NACC2: variants seen among roughly 807,000 people sequenced by gnomAD.
The protein encoded by NACC2 is NACC family member 2.
A neutral mutation model predicts 25.1 loss-of-function variants in NACC2; 8 were observed. The observed-to-expected ratio is 0.32, with a 90% CI of 0.19 to 0.57. The LOEUF (loss-of-function observed/expected upper bound fraction) is 0.57. Ranked by LOEUF, NACC2 falls within the 20% of genes least tolerant of loss-of-function variation. NACC2 has a pLI of 0.89. For synonymous variants in NACC2, 435 were observed against 294.7 expected, an observed-to-expected ratio of 1.48 and a Z score of -4.88; for missense variants, 644 against 650.2, an observed-to-expected ratio of 0.99 and a Z score of 0.10.
intron 2 of NACC2, among the ~76,000 whole-genome samples, chr9:136,039,054 GC>G (rs1840593789): frequency 6.6e-6 from 1 of 152,174 alleles, no homozygotes; most frequent in Non-Finnish European, 1.5e-5. Context: ...GCATAAAAAT[GC>G]AAATCCCAAC....
chr9:136,075,275 T>C (rs994358778), intron 1 of NACC2, among the ~76,000 whole-genome samples: 6 of 152,234 alleles, frequency 3.9e-5, no homozygotes, highest in African/African-American at 1.4e-4. Context: ...AGTCCGGCAC[T>C]GACCGGGATG....
chr9:136,036,370 GAA>G (rs1321248658), intron 2 of NACC2, among the ~76,000 whole-genome samples: 1 of 151,916 alleles, frequency 6.6e-6, no homozygotes, highest in African/African-American at 2.4e-5. Context: ...ACAAACAAGT[GAA>G]AAACCACAGA....
intron 1 of NACC2, among the ~76,000 whole-genome samples, chr9:136,092,749 G>C (rs1286131143): frequency 6.6e-6 from 1 of 152,196 alleles, no homozygotes; most frequent in East Asian, 1.9e-4. Context: ...GTTACACTGG[G>C]GTCTGTAGAA....
chr9:136,075,789 G>A (rs903160540), intron 1 of NACC2, among the ~76,000 whole-genome samples: 6 of 152,208 alleles, frequency 3.9e-5, no homozygotes, highest in African/African-American at 1.4e-4. Flanking sequence ...AGAGACAGGG[G>A]TCTTGGGTTT....
intron 1 of NACC2, among the ~76,000 whole-genome samples, chr9:136,070,278 C>T (rs749172185): frequency 4.0e-5 from 6 of 151,546 alleles, no homozygotes; most frequent in African/African-American, 9.8e-5. Flanking sequence ...GAGGCCGGGG[C>T]GGGTGGATCA....
At chr9:136,027,981 C>T (rs903839748) in intron 2 of NACC2, among the ~76,000 whole-genome samples, 1 of 152,150 alleles carries the variant, frequency 6.6e-6, no homozygotes, top group African/African-American at 2.4e-5. Flanking sequence ...TAACATCGGC[C>T]TGGCACAGTG....
At chr9:136,065,209 G>C (rs1841065801) in intron 1 of NACC2, among the ~76,000 whole-genome samples, 1 of 152,246 alleles carries the variant, frequency 6.6e-6, no homozygotes, top group Non-Finnish European at 1.5e-5. Context: ...AACCAGACCA[G>C]GTGAGGTGGC....
Position 136,018,195 on chromosome 9 carries a change from A to G in NACC2, c.887-1766T>C, listed in dbSNP as rs1353810925. 2.0e-5 allele frequency among the ~76,000 whole-genome samples: 3 copies of G among 152,058 alleles called. No homozygotes were observed. The highest frequency in any genetic ancestry group is 4.4e-5 in the Non-Finnish European group (3 of 67,980). On this transcript the variant is annotated intron_variant, in intron 2 of 5. Transcript: ENST00000277554. The surrounding 1 kb of genome is among the most constrained non-coding windows in gnomAD (Gnocchi z 4.4). ...ACCTGGCCATGCTGTCCCTGTTCCC[A>G]GTCCCTCCATGACCCCCACCTTGGA...
At chr9:136,021,149 A>G (rs1840285898) in intron 2 of NACC2, among the ~76,000 whole-genome samples, 1 of 152,238 alleles carries the variant, frequency 6.6e-6, no homozygotes, top group Non-Finnish European at 1.5e-5. Context: ...AAGGACTTGT[A>G]TCTAAAAAAT....
chr9:136,051,653 T>G (rs1290201307), intron 1 of NACC2, among the ~76,000 whole-genome samples: 1 of 151,898 alleles, frequency 6.6e-6, no homozygotes, highest in Non-Finnish European at 1.5e-5. Context: ...CGCCGGGAGC[T>G]GGGCAGGTGG....
chr9:136,027,768 T>TATCA (rs1363138018), intron 2 of NACC2, among the ~76,000 whole-genome samples: 1 of 152,140 alleles, frequency 6.6e-6, no homozygotes, highest in Non-Finnish European at 1.5e-5. Context: ...AAGGCTGAGG[T>TATCA]ATCAATGATC....
chr9:136,078,735 CCT>C (rs985475794), intron 1 of NACC2, among the ~76,000 whole-genome samples: 6 of 152,252 alleles, frequency 3.9e-5, no homozygotes, highest in African/African-American at 1.2e-4. Context: ...AAAGCGAGCC[CCT>C]CAGGCAGGGC....
intron 5 of NACC2, 21 bp from the exon 6 acceptor site, chr9:136,012,045 G>C (rs1224243358): frequency 6.6e-7 from 1 of 1,507,070 alleles, no homozygotes; most frequent in Admixed American, 1.9e-5. Context: ...GGGGCGGCGT[G>C]AGCTCAGCCA....
At chr9:136,075,954 C>T (rs1272161881) in intron 1 of NACC2, among the ~76,000 whole-genome samples, 2 of 152,242 alleles carry the variant, frequency 1.3e-5, no homozygotes, top group African/African-American at 4.8e-5. Context: ...CCTGGGGCTG[C>T]TGCCCACTCC....
intron 1 of NACC2, among the ~76,000 whole-genome samples, chr9:136,076,886 T>C (rs1830268278): frequency 6.6e-6 from 1 of 151,886 alleles, no homozygotes; most frequent in African/African-American, 2.4e-5. Flanking sequence ...GGCGGGCGCC[T>C]GTAGTCCCAG....
Position 136,013,963 on chromosome 9 carries a change from C to T in NACC2, c.1058G>A (p.Gly353Glu), listed in dbSNP as rs1184004933. The T allele has an allele frequency of 6.2e-7, 1 of 1,612,014 alleles. No individual in the cohort carries two copies. ...GEKLELVAGS[G>E]VYITRGQLMN... ...CAGCTGGCCGCGTGTGATGTAGACC[C>T]CAGAGCCTGCAGCCACCAAACAGAA... The change falls in exon 4 of 6, where the codon GGG (glycine) becomes GAG (glutamate). Residue 353 changes from glycine to glutamate, a missense_variant. By Grantham distance (98) the Gly-to-Glu change is moderately conservative. Transcript: ENST00000277554. This position sits in a 1 kb window ranked among gnomAD's most constrained non-coding sequence, Gnocchi z 6.6.
chr9:136,048,986 G>A (rs909838388), intron 2 of NACC2, among the ~76,000 whole-genome samples: 1 of 152,212 alleles, frequency 6.6e-6, no homozygotes, highest in Non-Finnish European at 1.5e-5. Flanking sequence ...TCAGGTTGCA[G>A]GGACACCCGA....
chr9:136,087,922 C>T (rs930085383), intron 1 of NACC2, among the ~76,000 whole-genome samples: 3 of 152,176 alleles, frequency 2.0e-5, no homozygotes, highest in African/African-American at 7.2e-5. Context: ...CCAGGAAGGC[C>T]CAGTTTCCCA....
intron 1 of NACC2, among the ~76,000 whole-genome samples, chr9:136,053,641 A>C (rs1017227358): frequency 7.2e-5 from 11 of 152,206 alleles, no homozygotes; most frequent in Admixed American, 3.3e-4. Flanking sequence ...CCTGTGCAAC[A>C]CAGCACAGAG....
Sources: gnomAD v4.1 joint callset for allele counts (sites outside exome capture counted in the v4.1 genomes callset) on GRCh38, gnomAD v4.1.1 for gene constraint, Gnocchi (gnomAD v3.1) non-coding constraint, MANE v1.5 for transcripts, NCBI Gene and HGNC (gene_info 2026-07-23, HGNC 2026-07-21) for gene names.